The following MS4A4A variants were observed in gnomAD, a reference collection of about 807,000 sequenced individuals.
MS4A4A encodes membrane spanning 4-domains A4A.
MS4A4A carries 26 observed loss-of-function variants against 28.0 expected under a neutral mutation model. That is an observed-to-expected ratio of 0.93 (90% CI 0.68 to 1.29). MS4A4A has a LOEUF of 1.29. MS4A4A is among the 50% of genes most tolerant of loss of function. The pLI, the probability that MS4A4A is intolerant of heterozygous loss-of-function variation, is 0.00. For missense variants in MS4A4A, 290 were observed against 293.1 expected (o/e 0.99, Z 0.08); for synonymous variants, 86 against 100.8 (o/e 0.85, Z 0.88).
intron 1 of MS4A4A, among the ~76,000 whole-genome samples, chr11:60,291,571 G>A (rs917254074): frequency 6.6e-5 from 10 of 151,930 alleles, no homozygotes; most frequent in Non-Finnish European, 1.2e-4. Flanking sequence ...AGGCCGAGGC[G>A]GGCGGATCAC....
chr11:60,303,402 T>C (rs1055487071), intron 5 of MS4A4A, among the ~76,000 whole-genome samples: 2 of 152,104 alleles, frequency 1.3e-5, no homozygotes, highest in Non-Finnish European at 2.9e-5. Flanking sequence ...AATGCACAAT[T>C]AAATCTTTAT....
At chr11:60,282,334 A>G (rs1286732802) in intron 1 of MS4A4A, among the ~76,000 whole-genome samples, 1 of 152,194 alleles carries the variant, frequency 6.6e-6, no homozygotes, top group Non-Finnish European at 1.5e-5. Context: ...CTTTTACATT[A>G]AAGAAGAATA....
chr11:60,291,566 G>A lies in MS4A4A; in HGVS notation c.42-659G>A, dbSNP rs139626266. Among the ~76,000 whole-genome samples, 927 of 152,166 alleles carry A rather than the reference G, an allele frequency of 6.1e-3. 8 individuals carry two copies. The highest frequency in any genetic ancestry group is 0.021 in the African/African-American group (861 of 41,506). The stretch of plus-strand genomic sequence containing the variant: ...TGTAATTCCAGCACTTTGGGAGGCC[G>A]AGGCGGGCGGATCACAAGGTCAGGA... On this transcript the variant is annotated intron_variant, in intron 1 of 6. Coordinates refer to ENST00000337908, the MANE Select transcript of MS4A4A (RefSeq NM_148975.3).
At chr11:60,290,076 CT>C (rs1275665186) in intron 1 of MS4A4A, 1 of 444,718 alleles carries the variant, frequency 2.2e-6, no homozygotes, top group East Asian at 7.0e-5. Flanking sequence ...CTACTTCCTT[CT>C]TTATGGACTC....
At position 60,284,980 on chromosome 11, in the gene MS4A4A, C is replaced by T. The variant is rs913363257; in HGVS notation, c.41+4264C>T. Among the ~76,000 whole-genome samples, 4 of 152,142 alleles carry T rather than the reference C, an allele frequency of 2.6e-5. No homozygotes were observed. The East Asian group carries it at 7.7e-4, about 29-fold the overall frequency. On this transcript the variant is annotated intron_variant, in intron 1 of 6. Transcript: ENST00000337908. ...GAGAAGAGGTAATTTTTATTTCAAA[C>T]ATTAGAAGACCTAAATAGAAGATAT...
chr11:60,302,739 G>A (rs753315495), intron 5 of MS4A4A, 22 bp downstream of exon 5: 4 of 1,606,624 alleles, frequency 2.5e-6, no homozygotes, highest in South Asian at 1.1e-5. Context: ...CTCTTTTCAG[G>A]GGATATTATT....
intron 1 of MS4A4A, among the ~76,000 whole-genome samples, chr11:60,289,146 T>C (rs562891693): frequency 2.0e-4 from 31 of 152,268 alleles, no homozygotes; most frequent in Non-Finnish European, 3.5e-4. Context: ...GAATGCACTG[T>C]AGCAGTGATT....
intron 1 of MS4A4A, chr11:60,290,184 AC>A (rs1201904197): frequency 8.1e-6 from 3 of 368,594 alleles, no homozygotes; most frequent in African/African-American, 6.3e-5. Flanking sequence ...TCAGAACTAT[AC>A]TTTTCCAGGG....
chr11:60,283,980 C>A (rs2135008301), intron 1 of MS4A4A, among the ~76,000 whole-genome samples: 1 of 151,420 alleles, frequency 6.6e-6, no homozygotes, highest in Admixed American at 6.6e-5. Flanking sequence ...CTAACTTATT[C>A]CAAATTGGGT....
At chr11:60,299,151 G>GT (rs1334574122) in intron 3 of MS4A4A, among the ~76,000 whole-genome samples, 3 of 152,140 alleles carry the variant, frequency 2.0e-5, no homozygotes, top group Non-Finnish European at 4.4e-5. Context: ...TGTATAGAAT[G>GT]TTTTTCCAAG....
chr11:60,294,950 C>CTTCTTCTTCTTCTTCTTCTTCT (rs1565145993), intron 2 of MS4A4A, among the ~76,000 whole-genome samples: 1 of 139,898 alleles, frequency 7.1e-6, no homozygotes, highest in East Asian at 2.1e-4. Context: ...TCTTCTTCTT[C>CTTCTTCTTCTTCTTCTTCTTCT]TAGATTGTGT....
At chr11:60,301,255 T>G (rs986567780) in intron 4 of MS4A4A, among the ~76,000 whole-genome samples, 198 bp downstream of exon 4, 2 of 152,136 alleles carry the variant, frequency 1.3e-5, no homozygotes, top group Non-Finnish European at 2.9e-5. Flanking sequence ...TTTGGCAAGG[T>G]AGGGAATCTT....
At chr11:60,299,043 T>C (rs1480415575) in intron 3 of MS4A4A, among the ~76,000 whole-genome samples, 1 of 152,210 alleles carries the variant, frequency 6.6e-6, no homozygotes, top group African/African-American at 2.4e-5. Flanking sequence ...AGATAGTACA[T>C]ACATACTTTT....
intron 1 of MS4A4A, 143 bp from the exon 2 acceptor site, chr11:60,292,082 C>T: frequency 9.6e-7 from 1 of 1,040,104 alleles, no homozygotes; most frequent in Non-Finnish European, 1.3e-6. Context: ...TTGCCTATTC[C>T]ACTTCCCCAG....
chr11:60,285,363 G>T (rs1489801891), intron 1 of MS4A4A, among the ~76,000 whole-genome samples: 2 of 152,120 alleles, frequency 1.3e-5, no homozygotes, highest in South Asian at 2.1e-4. Context: ...AATTAGCTGG[G>T]TGTGGTGGCA....
chr11:60,302,424 C>A, intron 4 of MS4A4A, 135 bp from the exon 5 acceptor site: 1 of 886,436 alleles, frequency 1.1e-6, no homozygotes, highest in Non-Finnish European at 1.7e-6. Context: ...AACCACAAGA[C>A]AAGTTAGAAG....
rs768427945 is a variant in MS4A4A, at chr11:60,302,707, C to T, written c.536C>T (p.Ser179Phe). The T allele has an allele frequency of 6.2e-7, 1 of 1,613,510 alleles. No homozygotes were observed. The highest frequency in any genetic ancestry group is 8.5e-7 in the Non-Finnish European group (1 of 1,179,520). ...TCAAATAATTGTCATGGGACTATGTCCATCTTAATGGTTGGTACTGCCTCT... is the reference window on the plus strand; with the variant it reads ...TCAAATAATTGTCATGGGACTATGTTCATCTTAATGGTTGGTACTGCCTCT... Reference protein sequence around the residue: ...GNSNNCHGTMSILMGLDGMVL... With the variant: ...GNSNNCHGTMFILMGLDGMVL... Residue 179 changes from serine (S) to phenylalanine (F), a missense_variant, in exon 5 of 7, where the codon TCC becomes TTC. Coordinates refer to ENST00000337908, the MANE Select transcript of MS4A4A (RefSeq NM_148975.3).
chr11:60,303,022 G>A lies in MS4A4A; in HGVS notation c.546+305G>A, dbSNP rs1330768535. On this transcript the variant is annotated intron_variant, in intron 5 of 6. Coordinates refer to ENST00000337908, the MANE Select transcript of MS4A4A (RefSeq NM_148975.3). ...TGTTTAATTTTAAAACATTGATGCA[G>A]TACGTACTGTTATCCCCTCTAAAAA... Among the ~76,000 whole-genome samples the A allele has an allele frequency of 3.9e-5, 6 of 152,264 alleles. No homozygotes were observed. The South Asian group carries it at 1.0e-3, about 26-fold the overall frequency.
intron 2 of MS4A4A, chr11:60,296,965 A>G (rs1181418932): frequency 4.9e-5 from 23 of 472,918 alleles, no homozygotes; most frequent in East Asian, 3.8e-4. Context: ...TGGTTCTGGC[A>G]TACTCCTTTT....
Sources: gnomAD v4.1 joint callset for allele counts (sites outside exome capture counted in the v4.1 genomes callset) on GRCh38, gnomAD v4.1.1 for gene constraint, MANE v1.5 for transcripts, NCBI Gene and HGNC (gene_info 2026-07-23, HGNC 2026-07-21) for gene names.